The following PRKN variants were observed in gnomAD, a reference collection of about 807,000 sequenced individuals.
The protein encoded by PRKN is parkin RBR E3 ubiquitin protein ligase, also known as E3 ubiquitin-protein ligase parkin.
PRKN carries 56 observed loss-of-function variants against 59.5 expected under a neutral mutation model. That is an observed-to-expected ratio of 0.94 (90% CI 0.76 to 1.18). The LOEUF is 1.18. PRKN is among the 50% of genes most tolerant of loss of function. The pLI is 0.00. For synonymous variants in PRKN, 250 were observed against 222.1 expected (o/e 1.13, Z -1.12); for missense variants, 657 against 596.4 (o/e 1.10, Z -1.06).
At chr6:161,850,973 G>A (rs534988858) in intron 6 of PRKN, among the ~76,000 whole-genome samples, 8 of 152,226 alleles carry the variant, frequency 5.3e-5, no homozygotes, top group Non-Finnish European at 7.4e-5. Flanking sequence ...CTGTGAAATC[G>A]TAGGAAAATA....
At chr6:161,845,983 C>T (rs539209448) in intron 6 of PRKN, among the ~76,000 whole-genome samples, 11 of 152,112 alleles carry the variant, frequency 7.2e-5, no homozygotes, top group South Asian at 4.1e-4. Context: ...AAGAGGAAAA[C>T]GGGGAGAGAT....
Position 161,498,136 on chromosome 6 carries a change from A to C in PRKN, c.1083+50718T>G, listed in dbSNP as rs1257086505. The stretch of plus-strand genomic sequence containing the variant: ...TGGTTAAATTCACATGTGGGAAAAA[A>C]GACAAATTATTGTTAATCAATTTCT... On this transcript the variant is annotated intron_variant, in intron 9 of 11. Coordinates refer to ENST00000366898, the MANE Select transcript of PRKN (RefSeq NM_004562.3). The surrounding 1 kb of genome is among the most constrained non-coding windows in gnomAD (Gnocchi z 4.2). Among the ~76,000 whole-genome samples the C allele has an allele frequency of 6.6e-6, 1 of 152,204 alleles. No homozygotes were observed. Among genetic ancestry groups the C allele is most frequent in the African/African-American group, 2.4e-5 (1 of 41,438 alleles).
intron 4 of PRKN, among the ~76,000 whole-genome samples, chr6:162,150,046 C>T (rs537596797): frequency 1.3e-5 from 2 of 152,308 alleles, no homozygotes; most frequent in African/African-American, 4.8e-5. Context: ...TCTTCACATG[C>T]AGATTCCTGA....
At chr6:162,021,159 T>TATA (rs1783158688) in intron 5 of PRKN, among the ~76,000 whole-genome samples, 1 of 23,462 alleles carries the variant, frequency 4.3e-5, no homozygotes, top group African/African-American at 1.3e-4. Flanking sequence ...TATATATATA[T>TATA]ATATATAAAA....
At chr6:162,489,244 A>G (rs1280504424) in intron 1 of PRKN, among the ~76,000 whole-genome samples, 1 of 152,226 alleles carries the variant, frequency 6.6e-6, no homozygotes, top group Admixed American at 6.5e-5. Context: ...AATCTCTATG[A>G]AACAATCAAG....
At chr6:162,607,070 G>A (rs753429587) in intron 1 of PRKN, among the ~76,000 whole-genome samples, 2 of 152,104 alleles carry the variant, frequency 1.3e-5, no homozygotes, top group Admixed American at 6.6e-5. Flanking sequence ...GTGGGTGGGT[G>A]GGAGAAGAGA....
chr6:162,624,594 G>A (rs915106960), intron 1 of PRKN: 12 of 152,188 alleles, frequency 7.9e-5, no homozygotes, highest in African/African-American at 2.7e-4. Flanking sequence ...AACTGTAAAG[G>A]AAAAGGAAAA....
At chr6:162,488,044 T>G (rs113831790) in intron 1 of PRKN, among the ~76,000 whole-genome samples, 44 of 150,824 alleles carry the variant, frequency 2.9e-4, no homozygotes, top group African/African-American at 1.0e-3. Flanking sequence ...TTTTTTTTTT[T>G]TTTTTTTTGG....
chr6:162,105,690 G>A (rs1583039646), intron 4 of PRKN, among the ~76,000 whole-genome samples: 2 of 152,286 alleles, frequency 1.3e-5, no homozygotes, highest in South Asian at 2.1e-4. Flanking sequence ...ATGAGCCACT[G>A]CACCCGGCCC....
chr6:162,027,999 A>G (rs1160118283), intron 5 of PRKN, among the ~76,000 whole-genome samples: 2 of 152,182 alleles, frequency 1.3e-5, no homozygotes, highest in Non-Finnish European at 1.5e-5. Flanking sequence ...AAAAAATCAC[A>G]TAAGAAATAT....
intron 5 of PRKN, among the ~76,000 whole-genome samples, chr6:162,051,320 C>T (rs1777634992): frequency 6.6e-6 from 1 of 152,138 alleles, no homozygotes; most frequent in Non-Finnish European, 1.5e-5. Context: ...ATCCCGAATG[C>T]TCACACTGGA....
chr6:162,723,263 A>G (rs576930623), intron 1 of PRKN, among the ~76,000 whole-genome samples: 4 of 152,380 alleles, frequency 2.6e-5, no homozygotes, highest in African/African-American at 7.2e-5. Context: ...CTAACGCACT[A>G]TAAGATGAGA....
At chr6:161,928,444 G>A (rs1268609576) in intron 6 of PRKN, among the ~76,000 whole-genome samples, 1 of 151,550 alleles carries the variant, frequency 6.6e-6, no homozygotes, top group South Asian at 2.1e-4. Context: ...GAAGAGGCAG[G>A]AGATTTAATA....
chr6:162,358,080 G>A (rs1158332065), intron 2 of PRKN, among the ~76,000 whole-genome samples: 3 of 152,074 alleles, frequency 2.0e-5, no homozygotes, highest in South Asian at 2.1e-4. Context: ...TAATAATAAC[G>A]TATCAATATT....
rs1790133371 is a variant in PRKN, at chr6:161,460,004, ATCCATCCATCAG to A, written c.1084-73139_1084-73128del. On this transcript the variant is annotated intron_variant, in intron 9 of 11. Transcript: ENST00000366898. The surrounding 1 kb of genome is among the most constrained non-coding windows in gnomAD (Gnocchi z 5.0). ...TATGCTTCTTTCCTTTAATTCAACT[ATCCATCCATCAG>A]TCCATCCATCCATCCATTCATCCAA... 1.3e-5 allele frequency among the ~76,000 whole-genome samples: 2 copies of A among 152,192 alleles called. No homozygotes were observed. Among genetic ancestry groups the A allele is most frequent in the Non-Finnish European group, 2.9e-5 (2 of 68,038 alleles).
intron 2 of PRKN, among the ~76,000 whole-genome samples, chr6:162,277,555 TA>T (rs142591096): frequency 0.014 from 2,098 of 152,088 alleles, 54 homozygotes; most frequent in African/African-American, 0.045. Flanking sequence ...CAGAATAATT[TA>T]AAAAAATTAT....
intron 2 of PRKN, among the ~76,000 whole-genome samples, chr6:162,386,681 C>T (rs1182085760): frequency 1.3e-5 from 2 of 152,170 alleles, no homozygotes; most frequent in African/African-American, 4.8e-5. Context: ...CGTGTACGTA[C>T]GTGTGCACAT....
chr6:161,976,833 GT>G (rs1279015584), intron 5 of PRKN, among the ~76,000 whole-genome samples: 2 of 152,172 alleles, frequency 1.3e-5, no homozygotes, highest in African/African-American at 4.8e-5. Flanking sequence ...AAGCACTTAC[GT>G]TTTTTCTTAG....
intron 1 of PRKN, among the ~76,000 whole-genome samples, chr6:162,604,554 A>G (rs1781831153): frequency 6.6e-6 from 1 of 152,322 alleles, no homozygotes; most frequent in Admixed American, 6.5e-5. Flanking sequence ...GCATATTTCT[A>G]GAAATTAACA....
Sources: gnomAD v4.1 joint callset for allele counts (sites outside exome capture counted in the v4.1 genomes callset) on GRCh38, gnomAD v4.1.1 for gene constraint, Gnocchi (gnomAD v3.1) non-coding constraint, MANE v1.5 for transcripts, NCBI Gene and HGNC (gene_info 2026-07-23, HGNC 2026-07-21) for gene names.